TGS1: variants seen among roughly 807,000 people sequenced by gnomAD.
TGS1 encodes trimethylguanosine synthase 1, also known as trimethylguanosine synthase.
Under a neutral mutation model 92.2 loss-of-function variants are expected in TGS1, and 69 were observed. The ratio of observed to expected loss-of-function variants is 0.75; its 90% CI spans 0.62 to 0.91. The LOEUF is 0.91. Among genes scored for constraint, TGS1 ranks in the 40% least tolerant of loss-of-function variants. The pLI is 0.00. For missense variants in TGS1, 1,062 were observed against 1,001.2 expected, an observed-to-expected ratio of 1.06 and a Z score of -0.82; for synonymous variants, 345 against 338.1, an observed-to-expected ratio of 1.02 and a Z score of -0.22.
chr8:55,790,382 T>A lies in TGS1; in HGVS notation c.1280+83T>A, dbSNP rs966491487. The A allele has an allele frequency of 1.0e-5, 9 of 873,004 alleles. No homozygotes were observed. In the African/African-American group the frequency reaches 1.5e-4, roughly 14 times the overall value. 54.1% of individuals were successfully genotyped at this position (873,004 alleles called of 1,614,324 possible). ...AAGCCAGTGGTTATTAAATGATTGTTATGTTCACAACACCAGTAATCATGT... is the reference window on the plus strand; with the variant it reads ...AAGCCAGTGGTTATTAAATGATTGTAATGTTCACAACACCAGTAATCATGT... On this transcript the variant is annotated intron_variant, in intron 5 of 12. Coordinates refer to ENST00000260129, the MANE Select transcript of TGS1 (RefSeq NM_024831.8).
intron 9 of TGS1, among the ~76,000 whole-genome samples, chr8:55,803,806 C>T (rs1044854969): frequency 5.9e-5 from 9 of 151,686 alleles, no homozygotes; most frequent in African/African-American, 2.2e-4. Flanking sequence ...ATCCTTATGC[C>T]TCCGCCTCCT....
At position 55,773,469 on chromosome 8, in the gene TGS1, T is replaced by G. The variant is rs941551042; in HGVS notation, c.-150T>G. The G allele has an allele frequency of 1.6e-5, 9 of 558,346 alleles. No individual in the cohort carries two copies. The highest frequency in any genetic ancestry group is 2.4e-5 in the Non-Finnish European group (8 of 327,052). The allele number at this position is 558,346 out of a possible 1,614,324, so 34.6% of individuals were successfully genotyped here. ...CCACTTCCGGCGGCAGCGTCCGGGC[T>G]AGTTCCCGGCGCGAGCGGCCGCGGG... is the stretch of plus-strand genomic sequence containing the variant. On this transcript the variant is annotated 5_prime_UTR_variant, in exon 1 of 13. Transcript: ENST00000260129.
rs142771252 is a variant in TGS1 at position 55,785,948 on chromosome 8, G to A, written c.339+57G>A. ...CTCTTCGTTTTCTTTATAAAATATCGCAAGGAATTACTTTTTATCAGATTA... is the reference window on the plus strand; with the variant it reads ...CTCTTCGTTTTCTTTATAAAATATCACAAGGAATTACTTTTTATCAGATTA... On this transcript the variant is annotated intron_variant, in intron 3 of 12. Coordinates refer to ENST00000260129, the MANE Select transcript of TGS1 (RefSeq NM_024831.8). 79 of 1,406,320 alleles carry A rather than the reference G, an allele frequency of 5.6e-5. No individual in the cohort carries two copies. In the African/African-American group the frequency reaches 7.1e-4, roughly 13 times the overall value. The allele number at this position is 1,406,320 out of a possible 1,614,324, so 87.1% of individuals were successfully genotyped here.
intron 4 of TGS1, among the ~76,000 whole-genome samples, chr8:55,788,913 T>C (rs896709154): frequency 6.6e-6 from 1 of 152,204 alleles, no homozygotes; most frequent in Non-Finnish European, 1.5e-5. Flanking sequence ...TCTTTGGTTC[T>C]CCTCCCTCAT....
chr8:55,778,300 G>A (rs573257984), intron 1 of TGS1, among the ~76,000 whole-genome samples: 1 of 152,168 alleles, frequency 6.6e-6, no homozygotes, highest in African/African-American at 2.4e-5. Flanking sequence ...CCAGTAAATG[G>A]CAGCCTTAGA....
At chr8:55,803,722 C>A (rs1253386219) in intron 9 of TGS1, among the ~76,000 whole-genome samples, 1 of 145,262 alleles carries the variant, frequency 6.9e-6, no homozygotes, top group Non-Finnish European at 1.5e-5. Context: ...TAGACAGGGT[C>A]TCACTCTGTC....
At chr8:55,815,640 A>G (rs117639206) in intron 12 of TGS1, among the ~76,000 whole-genome samples, 3,369 of 152,298 alleles carry the variant, frequency 0.022, 61 homozygotes, top group Middle Eastern at 0.051. Context: ...TAATATTTAT[A>G]TCATCCTAAA....
intron 9 of TGS1, 146 bp downstream of exon 9, chr8:55,802,752 C>T (rs1812254668): frequency 1.4e-6 from 1 of 700,772 alleles, no homozygotes; most frequent in African/African-American, 1.8e-5. Flanking sequence ...CGTTCTCATT[C>T]TCTCTCCATA....
chr8:55,802,412 A>G (rs144035463), intron 8 of TGS1, 45 bp from the exon 9 acceptor site: 21,055 of 1,547,652 alleles, frequency 0.014, 180 homozygotes, highest in Non-Finnish European at 0.016. Flanking sequence ...TGTGATACTA[A>G]TTTTTTTCTT....
At position 55,824,709 on chromosome 8, in the gene TGS1, C is replaced by T. The variant is rs775168398; in HGVS notation, c.*6C>T. On this transcript the variant is annotated 3_prime_UTR_variant, in exon 13 of 13. Transcript: ENST00000260129. The stretch of plus-strand genomic sequence containing the variant: ...GACCAGCCTCTGAAACCTAACTATG[C>T]AGCAGTGCGAGGACAAAAGATCATG... 5 of 1,614,020 alleles carry T rather than the reference C, an allele frequency of 3.1e-6. No homozygotes were observed. The highest frequency in any genetic ancestry group is 1.1e-5 in the South Asian group (1 of 91,068).
intron 6 of TGS1, among the ~76,000 whole-genome samples, chr8:55,793,867 C>T (rs186757742): frequency 1.3e-3 from 191 of 152,062 alleles, no homozygotes; most frequent in African/African-American, 4.5e-3. Context: ...ATCCGCCCAC[C>T]TTGGCCTCCC....
chr8:55,803,518 T>A (rs2130194066), intron 9 of TGS1, among the ~76,000 whole-genome samples: 2 of 152,260 alleles, frequency 1.3e-5, no homozygotes, highest in South Asian at 2.1e-4. Flanking sequence ...ACGTAGGAAT[T>A]TGTAAGGAGA....
chr8:55,801,282 T>A (rs1050820969), intron 8 of TGS1, among the ~76,000 whole-genome samples: 15 of 152,222 alleles, frequency 9.9e-5, no homozygotes, highest in Admixed American at 8.5e-4. Flanking sequence ...ATTCATTCTT[T>A]ATTTTTTAGA....
At chr8:55,806,207 T>G (rs1353353014) in intron 10 of TGS1, among the ~76,000 whole-genome samples, 2 of 151,288 alleles carry the variant, frequency 1.3e-5, no homozygotes, top group Non-Finnish European at 2.9e-5. Flanking sequence ...AATACAAAAA[T>G]TAGCCGGGCA....
chr8:55,805,609 G>A (rs1812343518), intron 10 of TGS1, among the ~76,000 whole-genome samples: 1 of 152,150 alleles, frequency 6.6e-6, no homozygotes, highest in South Asian at 2.1e-4. Flanking sequence ...AAATTGGCCA[G>A]GCGTAGTGGC....
At chr8:55,824,521 G>C in intron 12 of TGS1, 60 bp from the exon 13 acceptor site, 2 of 1,604,276 alleles carry the variant, frequency 1.2e-6, no homozygotes, top group Non-Finnish European at 1.7e-6. Context: ...CAGTACAAGT[G>C]AAAGACTTTT....
At chr8:55,799,782 T>C (rs1812171024) in intron 8 of TGS1, among the ~76,000 whole-genome samples, 1 of 152,026 alleles carries the variant, frequency 6.6e-6, no homozygotes, top group African/African-American at 2.4e-5. Context: ...TCTCACTATA[T>C]TGCTGAGGCT....
intron 8 of TGS1, among the ~76,000 whole-genome samples, chr8:55,801,582 CTTTTTTTTTTT>C (rs1212417955): frequency 5.0e-4 from 24 of 48,218 alleles, no homozygotes; most frequent in East Asian, 3.5e-3. Context: ...CCCCATCGTT[CTTTTTTTTTTT>C]TTTTTTTTTT....
chr8:55,812,556 G>A (rs1585789975), intron 11 of TGS1, among the ~76,000 whole-genome samples: 1 of 150,088 alleles, frequency 6.7e-6, no homozygotes, highest in East Asian at 1.9e-4. Flanking sequence ...GTACATGCCT[G>A]TAATCCTGTA....
Sources: gnomAD v4.1 joint callset for allele counts (sites outside exome capture counted in the v4.1 genomes callset) on GRCh38, gnomAD v4.1.1 for gene constraint, MANE v1.5 for transcripts, NCBI Gene and HGNC (gene_info 2026-07-23, HGNC 2026-07-21) for gene names.